CCDC85A: variants seen among roughly 807,000 people sequenced by gnomAD.
CCDC85A encodes coiled-coil domain-containing protein 85A.
In CCDC85A, 38 loss-of-function variants were observed where a neutral mutation model predicts 50.2. The observed-to-expected ratio is 0.76, with a 90% confidence interval of 0.58 to 0.99. CCDC85A has a LOEUF of 0.99. Among genes scored for constraint, CCDC85A ranks in the 50% least tolerant of loss-of-function variants. The pLI is 0.00. For synonymous variants in CCDC85A, 366 were observed against 301.4 expected (o/e 1.21, Z -2.22); for missense variants, 820 against 742.0 (o/e 1.11, Z -1.22).
chr2:56,213,859 A>C (rs946967626), intron 2 of CCDC85A, among the ~76,000 whole-genome samples: 1 of 152,014 alleles, frequency 6.6e-6, no homozygotes, highest in Non-Finnish European at 1.5e-5. Context: ...CCTCTCATAA[A>C]TATGACATGA....
chr2:56,373,141 A>G (rs1170627496), intron 4 of CCDC85A, among the ~76,000 whole-genome samples: 1 of 152,220 alleles, frequency 6.6e-6, no homozygotes, highest in Non-Finnish European at 1.5e-5. Context: ...GCAGTCTAGA[A>G]AAATTATTTA....
chr2:56,215,280 G>A (rs1434760331), intron 2 of CCDC85A, among the ~76,000 whole-genome samples: 4 of 151,848 alleles, frequency 2.6e-5, no homozygotes, highest in African/African-American at 7.3e-5. Flanking sequence ...GTTGTTGGCG[G>A]CTTGTTTTTT....
chr2:56,309,821 G>C (rs1672609611), intron 2 of CCDC85A, among the ~76,000 whole-genome samples: 1 of 152,094 alleles, frequency 6.6e-6, no homozygotes, highest in Non-Finnish European at 1.5e-5. Context: ...TTGGCAGCGG[G>C]GTTTGAGGCT....
Position 56,279,026 on chromosome 2 carries a change from C to T in CCDC85A, c.1241-63853C>T, listed in dbSNP as rs150901406. Among the ~76,000 whole-genome samples, 295 of 152,332 alleles carry T rather than the reference C, an allele frequency of 1.9e-3. 1 individual carries two copies. Among genetic ancestry groups the T allele is most frequent in the African/African-American group, 6.5e-3 (270 of 41,568 alleles). On this transcript the variant is annotated intron_variant, in intron 2 of 5. Coordinates refer to ENST00000407595, the MANE Select transcript of CCDC85A (RefSeq NM_001080433.2). The stretch of plus-strand genomic sequence containing the variant: ...CCAAGGATCAACATTCTTGAGGTGG[C>T]CCAAGGCCAGCTGTGATTTGCCAGG...
At chr2:56,291,394 T>C (rs1671696826) in intron 2 of CCDC85A, among the ~76,000 whole-genome samples, 1 of 152,192 alleles carries the variant, frequency 6.6e-6, no homozygotes, top group South Asian at 2.1e-4. Flanking sequence ...GGACTGAACA[T>C]ATCATTAGTT....
chr2:56,318,017 G>A (rs1039757088), intron 2 of CCDC85A, among the ~76,000 whole-genome samples: 9 of 152,024 alleles, frequency 5.9e-5, no homozygotes, highest in African/African-American at 1.9e-4. Context: ...GCATTTTTGT[G>A]TAGTCAGTCC....
intron 2 of CCDC85A, among the ~76,000 whole-genome samples, chr2:56,298,048 C>A (rs770179677): frequency 6.6e-6 from 1 of 152,108 alleles, no homozygotes; most frequent in Non-Finnish European, 1.5e-5. Context: ...AAGGTCATGC[C>A]CCAGGCATCA....
intron 2 of CCDC85A, among the ~76,000 whole-genome samples, chr2:56,203,483 C>G (rs986649536): frequency 4.8e-4 from 73 of 151,070 alleles, no homozygotes; most frequent in Non-Finnish European, 8.4e-4. Context: ...TGGCTTTTTT[C>G]CTGTTGCAGT....
intron 2 of CCDC85A, among the ~76,000 whole-genome samples, chr2:56,194,944 T>G (rs1279285385): frequency 6.7e-6 from 1 of 149,496 alleles, no homozygotes; most frequent in Admixed American, 6.8e-5. Flanking sequence ...GAAAGTTTGG[T>G]TGTGTTACTA....
intron 3 of CCDC85A, among the ~76,000 whole-genome samples, chr2:56,352,287 A>G (rs560798948): frequency 3.9e-5 from 6 of 152,336 alleles, no homozygotes; most frequent in African/African-American, 1.4e-4. Flanking sequence ...TCATATACAT[A>G]AAGATCTATA....
chr2:56,204,207 C>A (rs1207364283), intron 2 of CCDC85A, among the ~76,000 whole-genome samples: 1 of 152,054 alleles, frequency 6.6e-6, no homozygotes, highest in East Asian at 1.9e-4. Context: ...GAAGAAGATC[C>A]TTTAAACACA....
At chr2:56,304,462 C>T (rs538686130) in intron 2 of CCDC85A, among the ~76,000 whole-genome samples, 8 of 152,174 alleles carry the variant, frequency 5.3e-5, no homozygotes, top group African/African-American at 1.2e-4. Context: ...GAGAGTTCAC[C>T]GGGCCAAGTA....
intron 2 of CCDC85A, among the ~76,000 whole-genome samples, chr2:56,334,407 A>G (rs1673973644): frequency 6.6e-6 from 1 of 152,252 alleles, no homozygotes; most frequent in African/African-American, 2.4e-5. Context: ...GGGTTAGTGA[A>G]ATATTTTCAT....
At chr2:56,202,238 A>G (rs1676776963) in intron 2 of CCDC85A, among the ~76,000 whole-genome samples, 1 of 152,240 alleles carries the variant, frequency 6.6e-6, no homozygotes, top group Non-Finnish European at 1.5e-5. Flanking sequence ...AGGTGAGCTC[A>G]GAGCTATTGC....
At chr2:56,307,125 C>T (rs1672480891) in intron 2 of CCDC85A, among the ~76,000 whole-genome samples, 2 of 152,134 alleles carry the variant, frequency 1.3e-5, no homozygotes, top group African/African-American at 4.8e-5. Flanking sequence ...AGTTCCTATG[C>T]TTTGAATAGA....
Position 56,372,474 on chromosome 2 carries a change from T to C in CCDC85A, c.1448T>C (p.Leu483Pro). Reference protein sequence around the residue: ...CRGIGRCLPTLPGSFRLSSGA... With the variant: ...CRGIGRCLPTPPGSFRLSSGA... ...GGAATAGGACGATGCCTGCCTACTC[T>C]CCCGGTGAGTGAAGATGAGTCAGCT... The change falls in exon 4 of 6, where the codon CTC becomes CCC. Residue 483 changes from leucine (L) to proline (P), a missense_variant. Leu to Pro is a moderately conservative substitution (Grantham distance 98). Transcript: ENST00000407595. 2 of 1,597,172 alleles carry C rather than the reference T, an allele frequency of 1.3e-6. No homozygotes were observed. The highest frequency in any genetic ancestry group is 1.7e-6 in the Non-Finnish European group (2 of 1,170,622).
At chr2:56,269,681 C>A (rs1042488141) in intron 2 of CCDC85A, among the ~76,000 whole-genome samples, 1 of 152,148 alleles carries the variant, frequency 6.6e-6, no homozygotes, top group Non-Finnish European at 1.5e-5. Context: ...CTTTAAAATC[C>A]TCTGTTTTTA....
chr2:56,274,963 C>A (rs981031458), intron 2 of CCDC85A, among the ~76,000 whole-genome samples: 1 of 152,118 alleles, frequency 6.6e-6, no homozygotes, highest in Non-Finnish European at 1.5e-5. Context: ...AGAGAGAAAC[C>A]AAGCTCTCTG....
intron 2 of CCDC85A, among the ~76,000 whole-genome samples, chr2:56,325,661 T>A (rs563687454): frequency 6.6e-6 from 1 of 152,142 alleles, no homozygotes; most frequent in Admixed American, 6.6e-5. Flanking sequence ...AAACTAAAAT[T>A]GGACATTTAC....
Sources: gnomAD v4.1 joint callset for allele counts (sites outside exome capture counted in the v4.1 genomes callset) on GRCh38, gnomAD v4.1.1 for gene constraint, MANE v1.5 for transcripts, NCBI Gene and HGNC (gene_info 2026-07-23, HGNC 2026-07-21) for gene names.